Variants in GAS7 observed in about 807,000 individuals in gnomAD.
GAS7 encodes the protein growth arrest specific 7.
In GAS7, 28 loss-of-function variants were observed where a neutral mutation model predicts 71.1. The ratio of observed to expected loss-of-function variants is 0.39; its 90% confidence interval spans 0.29 to 0.54. The LOEUF (loss-of-function observed/expected upper bound fraction) is 0.54. GAS7 is among the 20% of genes least tolerant of loss of function. The probability of loss-of-function intolerance (pLI) is 0.62; values close to 1 mark genes in which losing one functional copy is unlikely to be tolerated. For missense variants in GAS7, 436 were observed against 627.8 expected (o/e 0.69, Z 3.27); for synonymous variants, 258 against 245.8 (o/e 1.05, Z -0.46).
chr17:9,953,551 T>C (rs73974348), intron 5 of GAS7, among the ~76,000 whole-genome samples: 1,978 of 152,308 alleles, frequency 0.013, 14 homozygotes, highest in Middle Eastern at 0.031. Context: ...CCTCATCGTA[T>C]ATGAGGAAAC....
intron 5 of GAS7, among the ~76,000 whole-genome samples, chr17:9,958,412 C>G (rs911999382): frequency 6.6e-6 from 1 of 152,236 alleles, no homozygotes; most frequent in African/African-American, 2.4e-5. Context: ...GGGAAATGCA[C>G]CCACTCTTGG....
chr17:10,032,189 A>G (rs1283771700), intron 1 of GAS7, among the ~76,000 whole-genome samples: 1 of 152,150 alleles, frequency 6.6e-6, no homozygotes, highest in Non-Finnish European at 1.5e-5. Context: ...CACAATTAAA[A>G]ATGTAATTAT....
At chr17:10,134,836 C>CTTT (rs34031588) in intron 1 of GAS7, among the ~76,000 whole-genome samples, 5 of 144,896 alleles carry the variant, frequency 3.5e-5, no homozygotes, top group Admixed American at 6.9e-5. Context: ...TTTACATCCA[C>CTTT]TTTTTTTTTT....
chr17:10,006,551 G>A (rs901076377), intron 2 of GAS7, among the ~76,000 whole-genome samples: 6 of 151,656 alleles, frequency 4.0e-5, no homozygotes, highest in East Asian at 1.9e-4. Flanking sequence ...GCATGGTCTC[G>A]ATCTCCTGAC....
chr17:10,114,464 C>T (rs1051836098), intron 1 of GAS7: 1 of 152,140 alleles, frequency 6.6e-6, no homozygotes, highest in Non-Finnish European at 1.5e-5. Flanking sequence ...TTCAGGGTCC[C>T]GTTTCTGACT....
chr17:10,058,891 G>A (rs748498542), intron 1 of GAS7, among the ~76,000 whole-genome samples: 14 of 152,194 alleles, frequency 9.2e-5, no homozygotes, highest in Non-Finnish European at 1.3e-4. Flanking sequence ...TCCAAGTTTT[G>A]TAGATTCAAA....
chr17:10,123,696 C>T (rs17687281), intron 1 of GAS7, among the ~76,000 whole-genome samples: 16,222 of 152,292 alleles, frequency 0.11, 1,019 homozygotes, highest in Middle Eastern at 0.18. Flanking sequence ...GCTTGCTCCC[C>T]CAACAAACGT....
intron 2 of GAS7, among the ~76,000 whole-genome samples, chr17:9,985,889 G>T (rs2070629068): frequency 1.3e-5 from 2 of 152,176 alleles, no homozygotes; most frequent in Admixed American, 6.5e-5. Context: ...TTCCCCGGGG[G>T]TTGCTCCCAG....
intron 4 of GAS7, among the ~76,000 whole-genome samples, chr17:9,967,477 T>G (rs960122145): frequency 6.6e-6 from 1 of 152,160 alleles, no homozygotes; most frequent in African/African-American, 2.4e-5. Context: ...AAGTCCCAAT[T>G]GATAGCCATG....
At chr17:10,132,009 A>G (rs1351499274) in intron 1 of GAS7, among the ~76,000 whole-genome samples, 2 of 152,218 alleles carry the variant, frequency 1.3e-5, no homozygotes, top group African/African-American at 4.8e-5. Context: ...ATGTTAATGC[A>G]TGAAAACGTA....
intron 4 of GAS7, among the ~76,000 whole-genome samples, chr17:9,965,973 C>G (rs969906978): frequency 6.6e-6 from 1 of 151,752 alleles, no homozygotes; most frequent in Admixed American, 6.6e-5. Context: ...TTTCCCCATC[C>G]CCCGACACCC....
At chr17:9,998,669 CAG>C (rs1206156406) in intron 2 of GAS7, among the ~76,000 whole-genome samples, 1 of 134,596 alleles carries the variant, frequency 7.4e-6, no homozygotes. Flanking sequence ...CAGACAAAGA[CAG>C]AAAGACAGAA....
At chr17:10,170,359 C>T (rs936477390) in intron 1 of GAS7, among the ~76,000 whole-genome samples, 8 of 152,154 alleles carry the variant, frequency 5.3e-5, no homozygotes, top group Admixed American at 2.0e-4. Context: ...ATCTCCAACA[C>T]TCCCCACACC....
chr17:10,192,606 T>A (rs184609900), intron 1 of GAS7, among the ~76,000 whole-genome samples: 1 of 152,254 alleles, frequency 6.6e-6, no homozygotes. Context: ...TGAACAGATG[T>A]CAGGGATTCC....
chr17:9,932,350 A>C (rs2068240380), intron 9 of GAS7, among the ~76,000 whole-genome samples: 1 of 152,058 alleles, frequency 6.6e-6, no homozygotes, highest in Non-Finnish European at 1.5e-5. Flanking sequence ...ATGCGCCACC[A>C]AGCCCAGCTA....
In GAS7 at chr17:9,974,838, C is replaced by T. The variant is rs2070121559; in HGVS notation, c.386-5076G>A. ...AAGAAGCGCCAGCAGCTCCGCCACC[C>T]AGGGCTCACCCCCACCCACAGCTCG... On this transcript the variant is annotated intron_variant, in intron 3 of 13. Transcript: ENST00000432992. This position sits in a 1 kb window ranked among gnomAD's most constrained non-coding sequence, Gnocchi z 4.0. Among the ~76,000 whole-genome samples, 1 of 152,162 alleles carries T rather than the reference C, an allele frequency of 6.6e-6. No homozygotes were observed. The highest frequency in any genetic ancestry group is 1.5e-5 in the Non-Finnish European group (1 of 68,032).
chr17:10,036,664 C>G (rs771285167), intron 1 of GAS7: 27 of 1,414,028 alleles, frequency 1.9e-5, no homozygotes, highest in Non-Finnish European at 2.5e-5. Flanking sequence ...GAACCCACTA[C>G]ATTGCATAGT....
intron 1 of GAS7, among the ~76,000 whole-genome samples, chr17:10,079,836 A>G (rs2073438381): frequency 6.6e-6 from 1 of 152,224 alleles, no homozygotes; most frequent in African/African-American, 2.4e-5. Flanking sequence ...CTTTTCATTG[A>G]CAACATCAAA....
intron 1 of GAS7, among the ~76,000 whole-genome samples, chr17:10,128,349 T>C (rs1223954128): frequency 3.3e-5 from 5 of 152,226 alleles, no homozygotes; most frequent in African/African-American, 9.6e-5. Flanking sequence ...TGCTGACCTC[T>C]GGCTGCTCCC....
Sources: allele counts gnomAD v4.1 joint callset (sites outside exome capture counted in the v4.1 genomes callset), GRCh38; gene constraint gnomAD v4.1.1; non-coding constraint Gnocchi (gnomAD v3.1); transcripts MANE v1.5; gene names NCBI Gene and HGNC (gene_info 2026-07-23, HGNC 2026-07-21).